CBR4: variants seen among roughly 807,000 people sequenced by gnomAD.
The protein encoded by CBR4 is carbonyl reductase 4, also known as 3-oxoacyl-[acyl-carrier-protein] reductase.
A neutral mutation model predicts 21.0 loss-of-function variants in CBR4; 22 were observed. That is an observed-to-expected ratio of 1.05 (90% CI 0.75 to 1.50). CBR4 has a LOEUF of 1.50. Among genes scored for constraint, CBR4 ranks in the 40% most tolerant of loss-of-function variants. The pLI is 0.00. For synonymous variants in CBR4, 100 were observed against 104.4 expected, an observed-to-expected ratio of 0.96 and a Z score of 0.26; for missense variants, 302 against 286.3, an observed-to-expected ratio of 1.05 and a Z score of -0.40.
intron 2 of CBR4, among the ~76,000 whole-genome samples, chr4:168,951,814 T>C (rs536022620): frequency 2.8e-4 from 42 of 152,334 alleles, no homozygotes; most frequent in African/African-American, 1.0e-3. Context: ...CCTTTAAAGG[T>C]TACCTAGTGC....
rs70961566 is a variant in CBR4, at chr4:168,971,436, A to ATTTTTTTTTTT, written n.169+30624_169+30634dup. Among the ~76,000 whole-genome samples, 418 of 114,034 alleles carry ATTTTTTTTTTT rather than the reference A, an allele frequency of 3.7e-3. 3 individuals are homozygous for ATTTTTTTTTTT. Among genetic ancestry groups the ATTTTTTTTTTT allele is most frequent in the Middle Eastern group, 0.01 (2 of 198 alleles). 74.8% of individuals were successfully genotyped at this position (114,034 alleles called of 152,430 possible). The stretch of plus-strand genomic sequence containing the variant: ...AGGCACACACCACCATGCCCAGCTC[A>ATTTTTTTTTTT]TTTTTTTTTTTTTTTTTTTTTTGTA... On this transcript the variant is annotated intron_variant and non_coding_transcript_variant, in intron 2 of 3. Coordinates refer to the CBR4 transcript ENST00000509108.
chr4:168,925,391 A>G (rs992688961), intron 2 of CBR4: 1 of 813,640 alleles, frequency 1.2e-6, no homozygotes, highest in Non-Finnish European at 2.2e-6. Context: ...AACAGTAGGC[A>G]AAGGCATAAC....
intron 2 of CBR4, among the ~76,000 whole-genome samples, chr4:168,918,730 T>G (rs1367034846): frequency 6.6e-6 from 1 of 152,132 alleles, no homozygotes; most frequent in East Asian, 1.9e-4. Flanking sequence ...ATCAGCTCAG[T>G]TTAGGTATTC....
chr4:168,940,614 G>A (rs1430785509), intron 2 of CBR4, among the ~76,000 whole-genome samples: 2 of 151,692 alleles, frequency 1.3e-5, no homozygotes, highest in African/African-American at 4.8e-5. Context: ...ACATCAAAAA[G>A]TGGGTGAAGA....
chr4:168,981,580 A>T (rs1764548451), intron 2 of CBR4, among the ~76,000 whole-genome samples: 3 of 152,110 alleles, frequency 2.0e-5, no homozygotes, highest in African/African-American at 7.2e-5. Context: ...AATAAAGAGA[A>T]TTTTTTTAAA....
chr4:168,972,358 G>C (rs1764237789), intron 2 of CBR4, among the ~76,000 whole-genome samples: 1 of 152,116 alleles, frequency 6.6e-6, no homozygotes, highest in Admixed American at 6.6e-5. Context: ...TGAACTTATA[G>C]ATTGCTTTTG....
chr4:168,946,794 G>A (rs1263999484), intron 2 of CBR4, among the ~76,000 whole-genome samples: 1 of 151,938 alleles, frequency 6.6e-6, no homozygotes, highest in Admixed American at 6.6e-5. Flanking sequence ...CATGTAAAAT[G>A]GTCCTGCGAC....
rs1764811890 is a variant in CBR4, at chr4:168,989,542, T to C, written c.*608A>G. The C allele has an allele frequency of 4.1e-6, 4 of 985,428 alleles. No individual in the cohort carries two copies. The highest frequency in any genetic ancestry group is 4.8e-6 in the Non-Finnish European group (4 of 829,916). The allele number at this position is 985,428 out of a possible 1,614,324, so 61.0% of individuals were successfully genotyped here. ...ATCACCCAAGCACATGCAAAAGGAA[T>C]ATAGTTATCTTTAGTGGGCTTGCTA... is the stretch of plus-strand genomic sequence containing the variant. On this transcript the variant is annotated 3_prime_UTR_variant, in exon 5 of 5. Coordinates refer to ENST00000306193, the MANE Select transcript of CBR4 (RefSeq NM_032783.5).
At chr4:168,912,357 T>C (rs1460419208) in intron 2 of CBR4, among the ~76,000 whole-genome samples, 2 of 152,224 alleles carry the variant, frequency 1.3e-5, no homozygotes, top group African/African-American at 4.8e-5. Context: ...CTCTTGCTGT[T>C]ACCTTTGGCA....
intron 4 of CBR4, among the ~76,000 whole-genome samples, chr4:168,996,077 G>C (rs1765184800): frequency 1.3e-5 from 2 of 152,114 alleles, no homozygotes; most frequent in Admixed American, 6.5e-5. Flanking sequence ...GATTTATTTA[G>C]GGAAAGCTTG....
chr4:168,972,429 A>C (rs1300484321), intron 2 of CBR4, among the ~76,000 whole-genome samples: 1 of 152,138 alleles, frequency 6.6e-6, no homozygotes, highest in Non-Finnish European at 1.5e-5. Context: ...ATGTGTTTCC[A>C]TTCGTTTGTG....
intron 2 of CBR4, among the ~76,000 whole-genome samples, chr4:168,943,192 T>A (rs1298969964): frequency 6.6e-6 from 1 of 152,170 alleles, no homozygotes; most frequent in Non-Finnish European, 1.5e-5. Context: ...CCTATAGGCC[T>A]GAAGGTCAAA....
At chr4:168,927,529 G>A (rs980935983) in intron 2 of CBR4, 3 of 231,352 alleles carry the variant, frequency 1.3e-5, no homozygotes, top group East Asian at 1.2e-4. Flanking sequence ...ATTGCCTGTA[G>A]CATCTAGTCT....
At chr4:168,926,465 G>A (rs1762591254) in intron 2 of CBR4, 44 of 977,012 alleles carry the variant, frequency 4.5e-5, no homozygotes, top group Middle Eastern at 2.1e-4. Flanking sequence ...TTATGTAAAA[G>A]GCAGAAACAT....
At chr4:168,925,162 C>T in intron 2 of CBR4, 1 of 1,581,420 alleles carries the variant, frequency 6.3e-7, no homozygotes, top group East Asian at 2.2e-5. Flanking sequence ...TCACATTACT[C>T]TTTATAAACA....
intron 2 of CBR4, among the ~76,000 whole-genome samples, chr4:168,894,982 G>T (rs1754799624): frequency 1.3e-5 from 2 of 152,144 alleles, no homozygotes; most frequent in Non-Finnish European, 2.9e-5. Context: ...TTTGTGTGGA[G>T]AAACACATTT....
intron 2 of CBR4, among the ~76,000 whole-genome samples, chr4:168,929,639 G>A (rs1318870129): frequency 1.3e-5 from 2 of 152,174 alleles, no homozygotes. Context: ...TGAGGAACTT[G>A]AGTGTTGGAG....
At chr4:168,967,516 CAG>C (rs1196926436) in intron 2 of CBR4, among the ~76,000 whole-genome samples, 2 of 152,036 alleles carry the variant, frequency 1.3e-5, no homozygotes, top group African/African-American at 2.4e-5. Context: ...TTTAAAAAAA[CAG>C]GGAGTTCTAT....
At chr4:168,986,994 A>G (rs1764714098), downstream of CBR4, among the ~76,000 whole-genome samples, 1 of 152,138 alleles carries the variant, frequency 6.6e-6, no homozygotes, top group Admixed American at 6.5e-5. Context: ...ATGTATCTCC[A>G]CATTTCCCTC....
Sources: allele counts gnomAD v4.1 joint callset (sites outside exome capture counted in the v4.1 genomes callset), GRCh38; gene constraint gnomAD v4.1.1; transcripts MANE v1.5; gene names NCBI Gene and HGNC (gene_info 2026-07-23, HGNC 2026-07-21).